The following KLHL25 variants were observed in gnomAD, a reference collection of about 807,000 sequenced individuals.
The protein encoded by KLHL25 is kelch-like protein 25.
A neutral mutation model predicts 30.0 loss-of-function variants in KLHL25; 41 were observed. The observed-to-expected ratio is 1.37, with a 90% CI of 1.07 to 1.78. KLHL25 has a LOEUF of 1.78. Among genes scored for constraint, KLHL25 ranks in the 40% most tolerant of loss-of-function variants. The pLI is 0.00. For synonymous variants in KLHL25, 399 were observed against 355.3 expected, an observed-to-expected ratio of 1.12 and a Z score of -1.38; for missense variants, 971 against 824.5, an observed-to-expected ratio of 1.18 and a Z score of -2.18.
chr15:85,777,029 G>A (rs914800215), intron 1 of KLHL25, among the ~76,000 whole-genome samples: 3 of 152,152 alleles, frequency 2.0e-5, no homozygotes, highest in African/African-American at 7.2e-5. Flanking sequence ...ACAGTTTGCT[G>A]GGCAGTACTT....
In KLHL25 at chr15:85,773,937, T is replaced by A. The variant is rs373017271; in HGVS notation, c.-10-4117A>T. ...AGGGGCTGCTTGTCTCGGTAAGGGG[T>A]CTTAGCTATGTGTCCCTCCACCCCT... is the stretch of plus-strand genomic sequence containing the variant. On this transcript the variant is annotated intron_variant, in intron 1 of 2. Transcript: ENST00000337975. Among the ~76,000 whole-genome samples the A allele has an allele frequency of 2.0e-4, 31 of 152,074 alleles. No individual in the cohort carries two copies. The East Asian group carries it at 5.4e-3, about 27-fold the overall frequency.
intron 2 of KLHL25, chr15:85,761,260 T>G (rs956130348): frequency 6.6e-6 from 1 of 152,180 alleles, no homozygotes; most frequent in Non-Finnish European, 1.5e-5. Context: ...GGGGACACAT[T>G]ACGTATTCTC....
intron 1 of KLHL25, among the ~76,000 whole-genome samples, chr15:85,781,141 C>T (rs2151811475): frequency 6.6e-6 from 1 of 152,276 alleles, no homozygotes; most frequent in African/African-American, 2.4e-5. Flanking sequence ...TCCAGACCAG[C>T]CTGGCCAACA....
intron 1 of KLHL25, among the ~76,000 whole-genome samples, chr15:85,784,591 A>G (rs754948745): frequency 7.2e-5 from 11 of 152,212 alleles, no homozygotes; most frequent in African/African-American, 2.2e-4. Flanking sequence ...CAAAAGTAAA[A>G]GAGTCGGAGA....
intron 1 of KLHL25, among the ~76,000 whole-genome samples, chr15:85,780,951 C>T (rs2089738848): frequency 6.6e-6 from 1 of 152,102 alleles, no homozygotes; most frequent in South Asian, 2.1e-4. Context: ...GGAGGGGCTG[C>T]GAACAACTAC....
chr15:85,761,828 C>G (rs1343930666), intron 2 of KLHL25: 1 of 152,214 alleles, frequency 6.6e-6, no homozygotes, highest in African/African-American at 2.4e-5. Flanking sequence ...GTGACGCTGT[C>G]CGCGGTTTTT....
At chr15:85,770,508 G>C (rs756055837) in intron 1 of KLHL25, 5 of 534,278 alleles carry the variant, frequency 9.4e-6, no homozygotes, top group Admixed American at 7.8e-5. Flanking sequence ...CCGCCATCAA[G>C]GCCCAAGTGC....
chr15:85,768,845 G>A lies in KLHL25; in HGVS notation c.966C>T (p.Pro322=), dbSNP rs1177693144. 1.9e-6 allele frequency: 3 copies of A among 1,613,282 alleles called. No homozygotes were observed. Among genetic ancestry groups the A allele is most frequent in the African/African-American group, 2.7e-5 (2 of 74,954 alleles). The part of the protein sequence containing the change: ...QVDHKAKEII[P]KADLPSPRKE... Reference sequence around the variant, plus strand: ...TCCGGGGGCTGGGCAGGTCGGCCTTGGGGATGATCTCCTTGGCCTTGTGGT... The same window carrying A: ...TCCGGGGGCTGGGCAGGTCGGCCTTAGGGATGATCTCCTTGGCCTTGTGGT... Residue 322 remains proline, a synonymous_variant, in exon 2 of 3, where the codon CCC becomes CCT. Coordinates refer to ENST00000337975, the MANE Select transcript of KLHL25 (RefSeq NM_022480.4).
intron 1 of KLHL25, among the ~76,000 whole-genome samples, chr15:85,778,192 G>A (rs1183230401): frequency 1.3e-5 from 2 of 152,206 alleles, no homozygotes; most frequent in African/African-American, 4.8e-5. Flanking sequence ...CTATGCCAAA[G>A]GGCGGAGAGA....
At chr15:85,774,057 A>G (rs2089694312) in intron 1 of KLHL25, among the ~76,000 whole-genome samples, 1 of 152,120 alleles carries the variant, frequency 6.6e-6, no homozygotes, top group Admixed American at 6.6e-5. Context: ...GCCTCATAGC[A>G]GGGCCTGGGG....
chr15:85,760,842 G>A lies in KLHL25; in HGVS notation c.*194C>T, dbSNP rs1309926105. On this transcript the variant is annotated 3_prime_UTR_variant, in exon 3 of 3. Transcript: ENST00000337975. ...AAGCTGAAGAGGCCCCCAGGGGCAC[G>A]GATGCAAGAGATGCTTCTCTTCTCT... The A allele has an allele frequency of 1.3e-5, 2 of 152,388 alleles. No individual in the cohort carries two copies. The highest frequency in any genetic ancestry group is 1.9e-4 in the East Asian group (1 of 5,194). 9.4% of individuals were successfully genotyped at this position (152,388 alleles called of 1,614,324 possible).
chr15:85,781,084 T>A (rs1416156964), intron 1 of KLHL25, among the ~76,000 whole-genome samples: 1 of 152,080 alleles, frequency 6.6e-6, no homozygotes, highest in Non-Finnish European at 1.5e-5. Context: ...GTAATCCTAG[T>A]ACTACTTTGG....
chr15:85,779,480 G>C (rs2089730631), intron 1 of KLHL25, among the ~76,000 whole-genome samples: 1 of 152,188 alleles, frequency 6.6e-6, no homozygotes. Flanking sequence ...AGGAGGGTGG[G>C]TGCAATTAGG....
intron 1 of KLHL25, among the ~76,000 whole-genome samples, chr15:85,780,750 T>C (rs1244442723): frequency 1.3e-5 from 2 of 152,222 alleles, no homozygotes; most frequent in Admixed American, 6.5e-5. Context: ...ACTCTTTCTT[T>C]ACCCGCTGAC....
chr15:85,765,928 C>T (rs1218291388), intron 2 of KLHL25, among the ~76,000 whole-genome samples: 8 of 152,158 alleles, frequency 5.3e-5, no homozygotes, highest in Admixed American at 2.6e-4. Flanking sequence ...ACCCTGTGTT[C>T]ACCAACTTGA....
At chr15:85,783,749 A>G (rs975475839) in intron 1 of KLHL25, among the ~76,000 whole-genome samples, 6 of 151,800 alleles carry the variant, frequency 4.0e-5, no homozygotes, top group Non-Finnish European at 7.4e-5. Flanking sequence ...GCAAACCTTA[A>G]CTCTTTTCTG....
intron 1 of KLHL25, among the ~76,000 whole-genome samples, chr15:85,781,750 T>C (rs907803039): frequency 6.6e-6 from 1 of 152,100 alleles, no homozygotes; most frequent in Admixed American, 6.5e-5. Flanking sequence ...TCCCAAAGTG[T>C]TGGGATTACA....
rs5814216 is a variant in KLHL25 at position 85,789,387 on chromosome 15, CTT to C, written c.-11+5377_-11+5378del. Among the ~76,000 whole-genome samples, 82 of 146,938 alleles carry C rather than the reference CTT, an allele frequency of 5.6e-4. No individual in the cohort carries two copies. Among genetic ancestry groups the C allele is most frequent in the Non-Finnish European group, 7.5e-4 (50 of 66,484 alleles). On this transcript the variant is annotated intron_variant, in intron 1 of 2. Transcript: ENST00000337975. The surrounding 1 kb of genome is among the most constrained non-coding windows in gnomAD (Gnocchi z 4.1). ...GCCCTGCTGGGCTCCCTTGAGATCC[CTT>C]TTTTTTTTTTTGACAGAATTTTACT...
chr15:85,794,182 T>C (rs922913023), intron 1 of KLHL25, among the ~76,000 whole-genome samples: 1 of 152,182 alleles, frequency 6.6e-6, no homozygotes, highest in African/African-American at 2.4e-5. Flanking sequence ...GGTGTGCCTT[T>C]GAGTGCGACC....
Sources: allele counts gnomAD v4.1 joint callset (sites outside exome capture counted in the v4.1 genomes callset), GRCh38; gene constraint gnomAD v4.1.1; non-coding constraint Gnocchi (gnomAD v3.1); transcripts MANE v1.5; gene names NCBI Gene and HGNC (gene_info 2026-07-23, HGNC 2026-07-21).